Variants in MOSMO observed in about 807,000 individuals in gnomAD.
MOSMO encodes the protein modulator of smoothened protein.
In MOSMO, 5 loss-of-function variants were observed where a neutral mutation model predicts 18.4. The observed-to-expected ratio is 0.27, with a 90% CI of 0.14 to 0.57. The LOEUF (loss-of-function observed/expected upper bound fraction) is 0.57. Ranked by LOEUF, MOSMO falls within the 20% of genes least tolerant of loss-of-function variation. MOSMO has a pLI of 0.92. For synonymous variants in MOSMO, 82 were observed against 82.3 expected (o/e 1.00, Z 0.02); for missense variants, 138 against 211.8 (o/e 0.65, Z 2.16).
chr16:22,064,250 T>C (rs1379091130), intron 1 of MOSMO: 1 of 454,908 alleles, frequency 2.2e-6, no homozygotes, highest in East Asian at 6.9e-5. Context: ...TTAGTCTTTT[T>C]GTTAAAATAC....
chr16:22,051,782 C>T (rs919052862), intron 1 of MOSMO, among the ~76,000 whole-genome samples: 4 of 152,150 alleles, frequency 2.6e-5, no homozygotes, highest in African/African-American at 9.7e-5. Context: ...TGACTGGTGT[C>T]TGGGATGGGG....
intron 1 of MOSMO, among the ~76,000 whole-genome samples, chr16:22,032,709 T>G (rs2141996252): frequency 6.6e-6 from 1 of 152,030 alleles, no homozygotes; most frequent in African/African-American, 2.4e-5. Flanking sequence ...ACTCTGCCCA[T>G]CTAACTTTTT....
At chr16:22,045,687 T>C (rs1022664089) in intron 1 of MOSMO, among the ~76,000 whole-genome samples, 9 of 152,226 alleles carry the variant, frequency 5.9e-5, no homozygotes, top group Non-Finnish European at 4.4e-5. Flanking sequence ...GCATATATTC[T>C]ATGGATCATT....
chr16:22,016,234 A>C (rs1899633634), intron 1 of MOSMO, among the ~76,000 whole-genome samples: 1 of 152,214 alleles, frequency 6.6e-6, no homozygotes, highest in Non-Finnish European at 1.5e-5. Flanking sequence ...TTTTTCAGCT[A>C]TAAAATGGAG....
intron 1 of MOSMO, among the ~76,000 whole-genome samples, chr16:22,040,222 A>C (rs1900184424): frequency 6.6e-6 from 1 of 152,234 alleles, no homozygotes; most frequent in East Asian, 1.9e-4. Flanking sequence ...AATGGTGAGA[A>C]CACATGGACA....
chr16:22,056,365 CTTTTTTTTTTT>C (rs35642716), intron 1 of MOSMO, among the ~76,000 whole-genome samples: 3 of 54,632 alleles, frequency 5.5e-5, no homozygotes, highest in African/African-American at 1.6e-4. Flanking sequence ...TTCTTTCTTT[CTTTTTTTTTTT>C]TTTTTTTTTT....
chr16:22,067,876 C>T (rs1266171035), intron 1 of MOSMO, among the ~76,000 whole-genome samples: 1 of 138,094 alleles, frequency 7.2e-6, no homozygotes, highest in Non-Finnish European at 1.5e-5. Context: ...GAGACTCTGT[C>T]TCTAAAAAGA....
chr16:22,088,696 G>GGGT (rs1259128346), downstream of MOSMO, among the ~76,000 whole-genome samples: 4 of 152,182 alleles, frequency 2.6e-5, no homozygotes, highest in African/African-American at 9.7e-5. Flanking sequence ...GTGAAGTACA[G>GGGT]GGTGGTGTTT....
rs1901108533 is a variant in MOSMO, at chr16:22,082,925, C to T, written c.*2045C>T. 1 of 152,138 alleles carries T rather than the reference C, an allele frequency of 6.6e-6. No individual in the cohort carries two copies. The allele number at this position is 152,138 out of a possible 1,614,324, so 9.4% of individuals were successfully genotyped here. On this transcript the variant is annotated 3_prime_UTR_variant, in exon 3 of 3. Coordinates refer to ENST00000542527, the MANE Select transcript of MOSMO (RefSeq NM_001164579.2). ...TGTTTCTCCCCAAGTATGATGATGTCTAGTCAAGTCTAAGAATACCACTGG... is the reference window on the plus strand; with the variant it reads ...TGTTTCTCCCCAAGTATGATGATGTTTAGTCAAGTCTAAGAATACCACTGG...
chr16:22,082,469 C>T lies in MOSMO; in HGVS notation c.*1589C>T, dbSNP rs1016168541. On this transcript the variant is annotated 3_prime_UTR_variant, in exon 3 of 3. Coordinates refer to ENST00000542527, the MANE Select transcript of MOSMO (RefSeq NM_001164579.2). ...GTTTCATGGCAGTGGAGCTAAGTTT[C>T]TCCTCTTTATAGTGAACTGGTGACC... 3 of 152,106 alleles carry T rather than the reference C, an allele frequency of 2.0e-5. No homozygotes were observed. The highest frequency in any genetic ancestry group is 2.1e-4 in the South Asian group (1 of 4,830). 9.4% of individuals were successfully genotyped at this position (152,106 alleles called of 1,614,324 possible).
At chr16:22,033,703 C>A (rs1900044595) in intron 1 of MOSMO, among the ~76,000 whole-genome samples, 1 of 151,576 alleles carries the variant, frequency 6.6e-6, no homozygotes, top group African/African-American at 2.4e-5. Context: ...GCCTGTAGTC[C>A]CAGCCACTTG....
At position 22,082,065 on chromosome 16, in the gene MOSMO, T is replaced by C. The variant is rs1901094411; in HGVS notation, c.*1185T>C. 2 of 152,198 alleles carry C rather than the reference T, an allele frequency of 1.3e-5. No individual in the cohort carries two copies. The highest frequency in any genetic ancestry group is 4.8e-5 in the African/African-American group (2 of 41,446). 9.4% of individuals were successfully genotyped at this position (152,198 alleles called of 1,614,324 possible). A position where few individuals can be genotyped will look rare whatever the true frequency, so the allele number is the denominator to read the frequency against. The stretch of plus-strand genomic sequence containing the variant: ...TGTTACATTAATAATGCATTTTATA[T>C]GTTCAGGCACACTTTACATAAATAC... On this transcript the variant is annotated 3_prime_UTR_variant, in exon 3 of 3. Transcript: ENST00000542527.
At chr16:22,020,549 C>G (rs1191729203) in intron 1 of MOSMO, among the ~76,000 whole-genome samples, 2 of 152,060 alleles carry the variant, frequency 1.3e-5, no homozygotes, top group African/African-American at 4.8e-5. Flanking sequence ...CCCGCATCGG[C>G]CTCCCAAAGT....
intron 1 of MOSMO, among the ~76,000 whole-genome samples, chr16:22,037,572 A>G (rs1392240999): frequency 1.3e-5 from 2 of 152,128 alleles, no homozygotes; most frequent in Admixed American, 1.3e-4. Context: ...GCTGCCCCCA[A>G]TCCTAAGCCA....
intron 1 of MOSMO, among the ~76,000 whole-genome samples, chr16:22,063,929 C>T (rs924826919): frequency 1.3e-5 from 2 of 152,158 alleles, no homozygotes; most frequent in Admixed American, 6.5e-5. Context: ...GGGAAGTTAG[C>T]ATCATGTGCT....
At chr16:22,049,087 A>G (rs1353693561) in intron 1 of MOSMO, among the ~76,000 whole-genome samples, 1 of 152,218 alleles carries the variant, frequency 6.6e-6, no homozygotes, top group South Asian at 2.1e-4. Context: ...AAATACATAT[A>G]GAAATTTATG....
At chr16:22,010,964 G>T (rs1338062455) in intron 1 of MOSMO, among the ~76,000 whole-genome samples, 5 of 149,178 alleles carry the variant, frequency 3.4e-5, no homozygotes, top group Non-Finnish European at 6.0e-5. Context: ...AGCTCCTCTT[G>T]TATTCAGAAG....
chr16:22,055,881 G>A (rs1900522492), intron 1 of MOSMO, among the ~76,000 whole-genome samples: 1 of 152,142 alleles, frequency 6.6e-6, no homozygotes, highest in African/African-American at 2.4e-5. Context: ...TCACTTTAGG[G>A]TGGAAAAGAA....
Position 22,008,380 on chromosome 16 carries a change from G to T in MOSMO, c.79G>T (p.Asp27Tyr). Reference protein sequence around the residue: ...IFAIASIANPDWINTGESAGA... With the variant: ...IFAIASIANPYWINTGESAGA... ...CGCCATCGCCAGCATCGCCAACCCGGACTGGATCAACACCGGGGAGTCTGC... is the reference window on the plus strand; with the variant it reads ...CGCCATCGCCAGCATCGCCAACCCGTACTGGATCAACACCGGGGAGTCTGC... The change falls in exon 1 of 3, where the codon GAC becomes TAC. Residue 27 changes from aspartate to tyrosine, a missense_variant. Coordinates refer to ENST00000542527, the MANE Select transcript of MOSMO (RefSeq NM_001164579.2). The T allele has an allele frequency of 1.3e-6, 2 of 1,533,996 alleles. No individual in the cohort carries two copies. The highest frequency in any genetic ancestry group is 1.7e-6 in the Non-Finnish European group (2 of 1,145,998).
Sources: gnomAD v4.1 joint callset for allele counts (sites outside exome capture counted in the v4.1 genomes callset) on GRCh38, gnomAD v4.1.1 for gene constraint, MANE v1.5 for transcripts, NCBI Gene and HGNC (gene_info 2026-07-23, HGNC 2026-07-21) for gene names.